LRP1B: variants seen among roughly 807,000 people sequenced by gnomAD.
The protein encoded by LRP1B is low-density lipoprotein receptor-related protein 1B.
A neutral mutation model predicts 556.6 loss-of-function variants in LRP1B; 217 were observed. The observed-to-expected ratio is 0.39, with a 90% confidence interval of 0.35 to 0.44. LRP1B has a LOEUF of 0.44. Ranked by LOEUF, LRP1B falls within the 20% of genes least tolerant of loss-of-function variation. The probability of loss-of-function intolerance (pLI) is 1.00; values close to 1 mark genes in which losing one functional copy is unlikely to be tolerated. For synonymous variants in LRP1B, 2,047 were observed against 1,865.8 expected, an observed-to-expected ratio of 1.10 and a Z score of -2.50; for missense variants, 5,053 against 5,620.8, an observed-to-expected ratio of 0.90 and a Z score of 3.23.
intron 7 of LRP1B, among the ~76,000 whole-genome samples, chr2:141,089,689 T>C (rs1700130586): frequency 6.6e-6 from 1 of 152,124 alleles, no homozygotes; most frequent in African/African-American, 2.4e-5. Context: ...ATTATCTCAG[T>C]TAAAGAATGA....
At chr2:140,477,021 A>C (rs1004190048) in intron 59 of LRP1B, among the ~76,000 whole-genome samples, 8 of 152,084 alleles carry the variant, frequency 5.3e-5, no homozygotes, top group African/African-American at 1.9e-4. Flanking sequence ...TCTTTTGAAA[A>C]GTGAATACGT....
intron 3 of LRP1B, among the ~76,000 whole-genome samples, chr2:141,466,675 GTGGCCATTTTT>G (rs1295032731): frequency 6.6e-6 from 1 of 152,068 alleles, no homozygotes; most frequent in Non-Finnish European, 1.5e-5. Flanking sequence ...TAGGGCTGCA[GTGGCCATTTTT>G]TGGCCATTTT....
chr2:141,744,522 C>T (rs1693840486), intron 2 of LRP1B, among the ~76,000 whole-genome samples: 1 of 152,168 alleles, frequency 6.6e-6, no homozygotes, highest in Admixed American at 6.5e-5. Context: ...GTGCAGATTA[C>T]ACCCAATGTT....
intron 2 of LRP1B, among the ~76,000 whole-genome samples, chr2:141,487,942 A>T (rs1391145564): frequency 6.6e-6 from 1 of 152,180 alleles, no homozygotes; most frequent in African/African-American, 2.4e-5. Context: ...AAAAATAGGG[A>T]TTAATAATAC....
chr2:140,505,492 A>G lies in LRP1B; in HGVS notation c.8521+1304T>C, dbSNP rs1358664512. Among the ~76,000 whole-genome samples, 4 of 152,166 alleles carry G rather than the reference A, an allele frequency of 2.6e-5. No individual in the cohort carries two copies. In the East Asian group the frequency reaches 5.8e-4, roughly 22 times the overall value. On this transcript the variant is annotated intron_variant, in intron 53 of 90. Transcript: ENST00000389484. ...GATTCTTGTTTCTATTTGACATAAT[A>G]TGTTATTGTACTATATTGAATTTCT...
At chr2:141,252,958 G>T (rs1226236253) in intron 4 of LRP1B, among the ~76,000 whole-genome samples, 2 of 152,120 alleles carry the variant, frequency 1.3e-5, no homozygotes, top group African/African-American at 4.8e-5. Context: ...AATTACTGTT[G>T]TGTTTGTTTT....
chr2:141,005,988 C>A (rs1264761445), intron 14 of LRP1B, among the ~76,000 whole-genome samples: 2 of 151,952 alleles, frequency 1.3e-5, no homozygotes, highest in African/African-American at 2.4e-5. Context: ...GGTGAATGTA[C>A]AGTTCACCAG....
chr2:141,556,970 A>G (rs1210971764), intron 2 of LRP1B, among the ~76,000 whole-genome samples: 7 of 151,834 alleles, frequency 4.6e-5, no homozygotes, highest in Admixed American at 4.0e-4. Flanking sequence ...GTTTTCTTCC[A>G]TTCCTCTTCC....
chr2:141,616,288 T>TAAAAAAAAAAA (rs11349855), intron 2 of LRP1B, among the ~76,000 whole-genome samples: 2 of 137,412 alleles, frequency 1.5e-5, no homozygotes, highest in African/African-American at 5.3e-5. Context: ...CTCAAGAAAA[T>TAAAAAAAAAAA]AAAAAAAAAA....
intron 18 of LRP1B, among the ~76,000 whole-genome samples, chr2:140,959,556 T>C (rs1325684653): frequency 1.3e-5 from 2 of 151,476 alleles, no homozygotes; most frequent in Non-Finnish European, 3.0e-5. Flanking sequence ...TCCCAAGAAG[T>C]AATTAAGAAA....
intron 11 of LRP1B, among the ~76,000 whole-genome samples, chr2:141,040,932 C>T (rs1234415407): frequency 6.6e-6 from 1 of 152,034 alleles, no homozygotes; most frequent in Non-Finnish European, 1.5e-5. Flanking sequence ...TCTCATTCTT[C>T]CTGGCTATTC....
At chr2:140,775,259 T>C (rs1331279375) in intron 33 of LRP1B, among the ~76,000 whole-genome samples, 3 of 151,962 alleles carry the variant, frequency 2.0e-5, no homozygotes, top group Non-Finnish European at 4.4e-5. Context: ...TCATTACCTA[T>C]CTGCAGAAAT....
intron 1 of LRP1B, among the ~76,000 whole-genome samples, chr2:142,020,272 A>G (rs1451652119): frequency 6.6e-6 from 1 of 152,144 alleles, no homozygotes; most frequent in Non-Finnish European, 1.5e-5. Flanking sequence ...GGATGATATG[A>G]AGGTCCAGAT....
At chr2:140,293,482 G>A (rs1281455223) in intron 84 of LRP1B, among the ~76,000 whole-genome samples, 1 of 152,062 alleles carries the variant, frequency 6.6e-6, no homozygotes, top group Non-Finnish European at 1.5e-5. Context: ...TCAGACCTCA[G>A]GACTTTATAT....
intron 86 of LRP1B, among the ~76,000 whole-genome samples, chr2:140,248,635 A>T (rs1424374419): frequency 6.6e-6 from 1 of 151,712 alleles, no homozygotes; most frequent in East Asian, 1.9e-4. Flanking sequence ...TCAAATCATT[A>T]GAATAAAGTG....
chr2:141,871,551 T>G (rs1214518151), intron 1 of LRP1B, among the ~76,000 whole-genome samples: 1 of 151,980 alleles, frequency 6.6e-6, no homozygotes, highest in Non-Finnish European at 1.5e-5. Context: ...CTCTTGATAC[T>G]AGACTAAGAA....
chr2:140,929,943 T>A (rs912808240), intron 20 of LRP1B, among the ~76,000 whole-genome samples: 5 of 151,934 alleles, frequency 3.3e-5, no homozygotes, highest in African/African-American at 4.8e-5. Flanking sequence ...AGTCATGAGG[T>A]TTTATTATCT....
intron 3 of LRP1B, among the ~76,000 whole-genome samples, chr2:141,452,568 C>G (rs1681460672): frequency 6.6e-6 from 1 of 152,158 alleles, no homozygotes; most frequent in Non-Finnish European, 1.5e-5. Flanking sequence ...CTCAAAAAAG[C>G]TAGCATCGAT....
intron 2 of LRP1B, 124 bp downstream of exon 2, chr2:141,810,155 A>AAGAG (rs1215346267): frequency 2.2e-6 from 1 of 457,154 alleles, no homozygotes; most frequent in Non-Finnish European, 3.0e-6. Context: ...GAAAGAAAGA[A>AAGAG]AGAAAGAAAG....
Sources: gnomAD v4.1 joint callset for allele counts (sites outside exome capture counted in the v4.1 genomes callset) on GRCh38, gnomAD v4.1.1 for gene constraint, MANE v1.5 for transcripts, NCBI Gene and HGNC (gene_info 2026-07-23, HGNC 2026-07-21) for gene names.